TTC29: variants seen among roughly 807,000 people sequenced by gnomAD.
TTC29 encodes tetratricopeptide repeat domain 29.
Under a neutral mutation model 58.1 loss-of-function variants are expected in TTC29, and 49 were observed. The observed-to-expected ratio is 0.84, with a 90% CI of 0.67 to 1.07. TTC29 has a LOEUF of 1.07. TTC29 is among the 50% of genes least tolerant of loss of function. The pLI is 0.00. For synonymous variants in TTC29, 209 were observed against 196.8 expected, an observed-to-expected ratio of 1.06 and a Z score of -0.52; for missense variants, 582 against 555.6, an observed-to-expected ratio of 1.05 and a Z score of -0.48.
chr4:146,802,384 T>C (rs1296607643), intron 11 of TTC29, among the ~76,000 whole-genome samples: 3 of 152,146 alleles, frequency 2.0e-5, no homozygotes, highest in African/African-American at 7.2e-5. Flanking sequence ...TTTGGGGGTG[T>C]TTGAACACAC....
intron 11 of TTC29, among the ~76,000 whole-genome samples, chr4:146,731,663 C>T (rs1274400778): frequency 1.3e-5 from 2 of 151,912 alleles, no homozygotes. Flanking sequence ...AGTCTGGGTC[C>T]CAGAGAAAAT....
At chr4:146,717,816 TG>T (rs778955762) in intron 11 of TTC29, among the ~76,000 whole-genome samples, 10 of 152,168 alleles carry the variant, frequency 6.6e-5, no homozygotes, top group Non-Finnish European at 1.0e-4. Flanking sequence ...ATATTTACCA[TG>T]ATGTGCAATA....
At chr4:146,900,652 T>C (rs1023936543) in intron 6 of TTC29, among the ~76,000 whole-genome samples, 1 of 152,130 alleles carries the variant, frequency 6.6e-6, no homozygotes, top group African/African-American at 2.4e-5. Context: ...AATCCTCCAA[T>C]AGAAATATTT....
At chr4:146,831,993 C>G (rs1011115791) in intron 9 of TTC29, among the ~76,000 whole-genome samples, 1 of 152,136 alleles carries the variant, frequency 6.6e-6, no homozygotes, top group African/African-American at 2.4e-5. Context: ...AACTCCTGGG[C>G]TCCAGGGATC....
chr4:146,752,094 G>A (rs1039152008), intron 11 of TTC29, among the ~76,000 whole-genome samples: 14 of 151,746 alleles, frequency 9.2e-5, no homozygotes, highest in Admixed American at 2.0e-4. Context: ...AGGGAATAAC[G>A]GGCATTCAAT....
intron 6 of TTC29, among the ~76,000 whole-genome samples, chr4:146,884,592 T>C (rs1256195480): frequency 2.0e-5 from 3 of 152,106 alleles, no homozygotes; most frequent in Non-Finnish European, 4.4e-5. Context: ...AGAGGGACTT[T>C]TAAGATGCAA....
At chr4:146,709,750 C>G (rs1742345482) in intron 11 of TTC29, among the ~76,000 whole-genome samples, 1 of 152,088 alleles carries the variant, frequency 6.6e-6, no homozygotes, top group Non-Finnish European at 1.5e-5. Context: ...ACCTCCCAAC[C>G]TCCACTTTTC....
At chr4:146,820,069 A>G in intron 10 of TTC29, 56 bp downstream of exon 10, 1 of 1,599,474 alleles carries the variant, frequency 6.3e-7, no homozygotes, top group South Asian at 1.1e-5. Flanking sequence ...TTAAAATGGG[A>G]AATTTCTCCC....
intron 6 of TTC29, among the ~76,000 whole-genome samples, chr4:146,881,943 A>G (rs1561216447): frequency 6.6e-6 from 1 of 152,096 alleles, no homozygotes; most frequent in Non-Finnish European, 1.5e-5. Context: ...TAGTTTAAAA[A>G]CGGAATCCTC....
At chr4:146,728,795 G>T (rs9997553) in intron 11 of TTC29, among the ~76,000 whole-genome samples, 3 of 111,440 alleles carry the variant, frequency 2.7e-5, no homozygotes, top group African/African-American at 3.7e-5. Context: ...GTATATATAC[G>T]TATATATACA....
At chr4:146,737,556 C>A (rs890349050) in intron 11 of TTC29, among the ~76,000 whole-genome samples, 1 of 139,128 alleles carries the variant, frequency 7.2e-6, no homozygotes, top group African/African-American at 2.7e-5. Context: ...AGGCCCTGAA[C>A]GCATCTGGCA....
At chr4:146,855,572 G>GT (rs1729792072) in intron 8 of TTC29, among the ~76,000 whole-genome samples, 1 of 152,096 alleles carries the variant, frequency 6.6e-6, no homozygotes, top group Non-Finnish European at 1.5e-5. Flanking sequence ...GGGTAAAAGA[G>GT]TTTTTTACAA....
intron 4 of TTC29, among the ~76,000 whole-genome samples, chr4:146,925,902 C>T (rs1184747043): frequency 6.6e-6 from 1 of 152,124 alleles, no homozygotes; most frequent in East Asian, 1.9e-4. Context: ...TTCATTCCTT[C>T]CTCTCTTTGA....
At chr4:146,815,372 TA>T (rs1751330486) in intron 10 of TTC29, among the ~76,000 whole-genome samples, 2 of 152,140 alleles carry the variant, frequency 1.3e-5, no homozygotes, top group African/African-American at 4.8e-5. Flanking sequence ...ATTTTTGCCT[TA>T]AGTGACTGGG....
At chr4:146,838,598 C>T (rs1728658702) in intron 8 of TTC29, among the ~76,000 whole-genome samples, 1 of 151,966 alleles carries the variant, frequency 6.6e-6, no homozygotes, top group Non-Finnish European at 1.5e-5. Context: ...ATGCTTAGGA[C>T]TACCAGTTAG....
intron 11 of TTC29, chr4:146,764,177 A>G (rs748584883): frequency 1.3e-5 from 2 of 152,126 alleles, no homozygotes; most frequent in Admixed American, 6.6e-5. Context: ...TCAGTATTCA[A>G]TCACCCTGTG....
intron 8 of TTC29, among the ~76,000 whole-genome samples, chr4:146,850,948 A>C (rs1729478262): frequency 6.6e-6 from 1 of 152,208 alleles, no homozygotes; most frequent in Non-Finnish European, 1.5e-5. Context: ...TACAACAGTA[A>C]GGACCAATAA....
At chr4:146,782,505 GC>G (rs1448584529) in intron 11 of TTC29, among the ~76,000 whole-genome samples, 1 of 151,808 alleles carries the variant, frequency 6.6e-6, no homozygotes, top group Non-Finnish European at 1.5e-5. Context: ...AAGTTTTCTG[GC>G]ATTACTCTGT....
At chr4:146,942,244 G>A (rs1478804088) in intron 2 of TTC29, among the ~76,000 whole-genome samples, 1 of 152,144 alleles carries the variant, frequency 6.6e-6, no homozygotes, top group African/African-American at 2.4e-5. Flanking sequence ...GGCATTAAGA[G>A]TGGAAGTTAA....
Sources: allele counts gnomAD v4.1 joint callset (sites outside exome capture counted in the v4.1 genomes callset), GRCh38; gene constraint gnomAD v4.1.1; transcripts MANE v1.5; gene names NCBI Gene and HGNC (gene_info 2026-07-23, HGNC 2026-07-21).